TRPV2: variants seen among roughly 807,000 people sequenced by gnomAD.
TRPV2 encodes the protein transient receptor potential cation channel subfamily V member 2, also known as OTRPC2.
A neutral mutation model predicts 91.0 loss-of-function variants in TRPV2; 58 were observed. The ratio of observed to expected loss-of-function variants is 0.64; its 90% CI spans 0.52 to 0.79. TRPV2 has a LOEUF of 0.79. TRPV2 is among the 30% of genes least tolerant of loss of function. The probability of loss-of-function intolerance (pLI) is 0.00; values close to 1 mark genes in which losing one functional copy is unlikely to be tolerated. For missense variants in TRPV2, 807 were observed against 969.6 expected (o/e 0.83, Z 2.23); for synonymous variants, 417 against 414.8 (o/e 1.01, Z -0.06).
At chr17:16,421,400 A>T (rs2093356020) in intron 3 of TRPV2, among the ~76,000 whole-genome samples, 2 of 151,120 alleles carry the variant, frequency 1.3e-5, no homozygotes, top group South Asian at 4.2e-4. Context: ...GTATTTTTTT[A>T]GTAGAGACAG....
chr17:16,428,141 T>C (rs2093392848), intron 8 of TRPV2, among the ~76,000 whole-genome samples, 176 bp from the exon 9 acceptor site: 1 of 152,196 alleles, frequency 6.6e-6, no homozygotes, highest in Non-Finnish European at 1.5e-5. Context: ...AGGTGGCTGC[T>C]CTTTCTGGAA....
At chr17:16,425,779 T>A (rs2093380101) in intron 5 of TRPV2, among the ~76,000 whole-genome samples, 2 of 152,168 alleles carry the variant, frequency 1.3e-5, no homozygotes, top group Admixed American at 6.6e-5. Flanking sequence ...ATACAGCTAG[T>A]AGACTCTGAT....
chr17:16,420,887 A>C (rs2093353517), intron 3 of TRPV2, among the ~76,000 whole-genome samples: 1 of 152,172 alleles, frequency 6.6e-6, no homozygotes, highest in African/African-American at 2.4e-5. Flanking sequence ...GAGTGCTGGG[A>C]TTACAGGTGT....
chr17:16,423,331 G>T (rs2093366987), intron 4 of TRPV2, 138 bp from the exon 5 acceptor site: 4 of 968,530 alleles, frequency 4.1e-6, no homozygotes, highest in Non-Finnish European at 5.9e-6. Flanking sequence ...CAGGTTGGCT[G>T]GCCCCTGTTC....
intron 3 of TRPV2, among the ~76,000 whole-genome samples, chr17:16,421,249 G>T (rs1166083663): frequency 1.3e-5 from 2 of 149,382 alleles, no homozygotes; most frequent in African/African-American, 5.0e-5. Flanking sequence ...TTGCTCTGTT[G>T]CCCAGCCTGG....
chr17:16,427,530 T>C lies in TRPV2; in HGVS notation c.1333T>C (p.Tyr445His). The stretch of plus-strand genomic sequence containing the variant: ...CATCCTTATCCTGCTAGGGGGGATC[T>C]ACCTCCTCGTGGGCCAGGTGAGTGC... ...GHILILLGGIYLLVGQLWYFW... is the reference protein window; with the variant it reads ...GHILILLGGIHLLVGQLWYFW... Residue 445 changes from tyrosine to histidine, a missense_variant, in exon 8 of 15, where the codon TAC becomes CAC. Transcript: ENST00000338560. The C allele has an allele frequency of 6.2e-7, 1 of 1,612,732 alleles. No individual in the cohort carries two copies. Among genetic ancestry groups the C allele is most frequent in the Non-Finnish European group, 8.5e-7 (1 of 1,179,080 alleles).
chr17:16,419,537 T>C (rs1414445331), intron 2 of TRPV2: 2 of 404,996 alleles, frequency 4.9e-6, no homozygotes, highest in Non-Finnish European at 9.9e-6. Flanking sequence ...TTTGGCAAGT[T>C]ACATGACCTC....
In TRPV2 at chr17:16,422,656, T is replaced by TC. The variant is rs1285479676; in HGVS notation, c.393dup (p.Asn132GlnfsTer28). ...GCTGTGCTGAACCTTAAGGACGGAGTCAATGCCTGCATTCTGCCACTGCTG... is the reference window on the plus strand; with the variant it reads ...GCTGTGCTGAACCTTAAGGACGGAGTCCAATGCCTGCATTCTGCCACTGCTG... On this transcript the variant is annotated frameshift_variant, in exon 4 of 15. Coordinates refer to ENST00000338560, the MANE Select transcript of TRPV2 (RefSeq NM_016113.5). LOFTEE classifies it high-confidence loss of function. 6.2e-7 allele frequency: 1 copy of TC among 1,613,808 alleles called. No homozygotes were observed. The highest frequency in any genetic ancestry group is 8.5e-7 in the Non-Finnish European group (1 of 1,179,970).
At chr17:16,422,322 C>CAAAAAA (rs5819570) in intron 3 of TRPV2, among the ~76,000 whole-genome samples, 6 of 92,756 alleles carry the variant, frequency 6.5e-5, no homozygotes, top group Admixed American at 2.4e-4. Context: ...GACTCTGTCT[C>CAAAAAA]AAAAAAAAAA....
rs768382920 is a variant in TRPV2 at position 16,428,933 on chromosome 17, A to G, written c.1538A>G (p.Tyr513Cys). The G allele has an allele frequency of 1.8e-5, 29 of 1,614,014 alleles. No homozygotes were observed. Among genetic ancestry groups the G allele is most frequent in the Non-Finnish European group, 2.4e-5 (28 of 1,180,046 alleles). Residue 513 changes from tyrosine to cysteine, a missense_variant, in exon 10 of 15, where the codon TAT becomes TGT. Tyr to Cys is a radical substitution (Grantham distance 194). Transcript: ENST00000338560. ...CTGGGCTGGCTGAACCTGCTTTACT[A>G]TACACGTGGCTTCCAGCACACAGGC... ...LVLGWLNLLY[Y>C]TRGFQHTGIY...
intron 9 of TRPV2, 113 bp from the exon 10 acceptor site, chr17:16,428,704 A>C: frequency 1.3e-5 from 16 of 1,211,080 alleles, no homozygotes; most frequent in African/African-American, 3.0e-5. Context: ...TGAGGCCCAC[A>C]GAGGTTAAAT....
intron 2 of TRPV2, among the ~76,000 whole-genome samples, chr17:16,418,770 G>A (rs950130319): frequency 1.1e-4 from 17 of 152,116 alleles, no homozygotes; most frequent in Admixed American, 3.9e-4. Context: ...CCACCCTGGT[G>A]ACAGAAAGTT....
Position 16,431,966 on chromosome 17 carries a change from C to A in TRPV2, c.1655C>A (p.Ala552Asp), listed in dbSNP as rs1011814843. ...YLVFLFGFAVALVSLSQEAWR... is the reference protein window; with the variant it reads ...YLVFLFGFAVDLVSLSQEAWR... ...GGACCCCTCTCCCTTCATCCCATAG[C>A]CCTGGTGAGCCTGAGCCAGGAGGCT... is the stretch of plus-strand genomic sequence containing the variant. Residue 552 changes from alanine (A) to aspartate (D), a missense_variant and splice_region_variant, in exon 12 of 15, where the codon GCC becomes GAC. Coordinates refer to ENST00000338560, the MANE Select transcript of TRPV2 (RefSeq NM_016113.5). 1 of 1,605,722 alleles carries A rather than the reference C, an allele frequency of 6.2e-7. No individual in the cohort carries two copies. Among genetic ancestry groups the A allele is most frequent in the Non-Finnish European group, 8.5e-7 (1 of 1,174,504 alleles).
intron 2 of TRPV2, chr17:16,419,322 C>T (rs553549763): frequency 1.7e-5 from 8 of 471,006 alleles, no homozygotes; most frequent in East Asian, 1.4e-4. Context: ...AGATCCCTTC[C>T]GGGGTCTGTG....
chr17:16,421,841 A>T (rs962572924), intron 3 of TRPV2, among the ~76,000 whole-genome samples: 1 of 152,040 alleles, frequency 6.6e-6, no homozygotes, highest in African/African-American at 2.4e-5. Flanking sequence ...TTTGAACCTT[A>T]CAATAATCCT....
intron 3 of TRPV2, 69 bp downstream of exon 3, chr17:16,420,317 T>C: frequency 1.3e-6 from 2 of 1,553,538 alleles, no homozygotes; most frequent in Non-Finnish European, 1.8e-6. Context: ...CTGTGTGGGC[T>C]TGATCCCTGG....
chr17:16,432,695 A>C (rs948794337), intron 12 of TRPV2, among the ~76,000 whole-genome samples: 2 of 151,882 alleles, frequency 1.3e-5, no homozygotes, highest in Non-Finnish European at 2.9e-5. Flanking sequence ...AAGTGCTGAG[A>C]TTACTCCCAC....
At chr17:16,421,667 G>A (rs1322660794) in intron 3 of TRPV2, among the ~76,000 whole-genome samples, 5 of 151,544 alleles carry the variant, frequency 3.3e-5, no homozygotes, top group Middle Eastern at 3.4e-3. Context: ...GATTACAGGC[G>A]CCCAGCACTG....
chr17:16,432,449 T>TG, intron 12 of TRPV2, 149 bp downstream of exon 12: 1 of 720,558 alleles, frequency 1.4e-6, no homozygotes, highest in African/African-American at 1.8e-5. Context: ...CTTTTTTTTT[T>TG]TTTTTTCTGG....
Sources: gnomAD v4.1 joint callset for allele counts (sites outside exome capture counted in the v4.1 genomes callset) on GRCh38, gnomAD v4.1.1 for gene constraint, MANE v1.5 for transcripts, NCBI Gene and HGNC (gene_info 2026-07-23, HGNC 2026-07-21) for gene names.